The following ZNF90 variants were observed in gnomAD, a reference collection of about 807,000 sequenced individuals.
ZNF90 encodes zinc finger protein HTF9.
Under a neutral mutation model 12.0 loss-of-function variants are expected in ZNF90, and 11 were observed. The observed-to-expected ratio is 0.92, with a 90% CI of 0.58 to 1.52. ZNF90 has a LOEUF of 1.52. ZNF90 is among the 40% of genes most tolerant of loss of function. The pLI is 0.00. For synonymous variants in ZNF90, 232 were observed against 240.1 expected, an observed-to-expected ratio of 0.97 and a Z score of 0.31; for missense variants, 765 against 711.5, an observed-to-expected ratio of 1.08 and a Z score of -0.86.
chr19:20,105,088 T>A (rs1555704247), intron 2 of ZNF90, 133 bp from the exon 3 acceptor site: 1 of 477,916 alleles, frequency 2.1e-6, no homozygotes, highest in African/African-American at 2.1e-5. Context: ...TTCTAAATCT[T>A]TTGAAATTTT....
chr19:20,117,581 A>G, intron 3 of ZNF90, 200 bp from the exon 4 acceptor site: 1 of 984,902 alleles, frequency 1.0e-6, no homozygotes, highest in Non-Finnish European at 1.2e-6. Context: ...GGATTTGCCC[A>G]CCACCATGCC....
intron 1 of ZNF90, among the ~76,000 whole-genome samples, chr19:20,082,692 G>A (rs548305951): frequency 2.6e-5 from 4 of 152,298 alleles, no homozygotes; most frequent in African/African-American, 9.6e-5. Flanking sequence ...TTTTCCCCAT[G>A]TGATAGTCTG....
rs200762677 is a variant in ZNF90, at chr19:20,110,288, A to AT, written c.226+4980dup. 9.0e-3 allele frequency among the ~76,000 whole-genome samples: 1,357 copies of AT among 151,586 alleles called. 67 individuals carry two copies. Among genetic ancestry groups the AT allele is most frequent in the Admixed American group, 0.078 (1,186 of 15,198 alleles). On this transcript the variant is annotated intron_variant, in intron 3 of 3. Transcript: ENST00000418063. ...GTCCTGTGTTGTTTTGCTTTGTTTT[A>AT]TTTTTTTTGAGATGGAGTCTTGCTC... is the stretch of plus-strand genomic sequence containing the variant.
intron 3 of ZNF90, among the ~76,000 whole-genome samples, chr19:20,113,315 C>A (rs2073284402): frequency 2.0e-5 from 3 of 152,108 alleles, no homozygotes; most frequent in Admixed American, 2.0e-4. Context: ...CTCAGCCTTC[C>A]AAGTAGCTGG....
intron 1 of ZNF90, among the ~76,000 whole-genome samples, chr19:20,103,191 A>G (rs942513836): frequency 4.6e-5 from 7 of 152,222 alleles, no homozygotes; most frequent in African/African-American, 2.4e-5. Context: ...TTGGTAATCC[A>G]ACAGAGAAAC....
Position 20,110,381 on chromosome 19 carries a change from C to T in ZNF90, c.226+5065C>T, listed in dbSNP as rs575128852. On this transcript the variant is annotated intron_variant, in intron 3 of 3. Coordinates refer to ENST00000418063, the MANE Select transcript of ZNF90 (RefSeq NM_007138.2). The stretch of plus-strand genomic sequence containing the variant: ...GCAACCCCTGCCTCCTGGGTTCAAG[C>T]AATTCTCCTGCTTCAGCCTCCCTAG... 2.9e-4 allele frequency among the ~76,000 whole-genome samples: 44 copies of T among 152,134 alleles called. 1 individual carries two copies. The highest frequency in any genetic ancestry group is 8.9e-4 in the African/African-American group (37 of 41,484).
At chr19:20,092,952 CT>C (rs1187997548) in intron 1 of ZNF90, among the ~76,000 whole-genome samples, 3 of 152,154 alleles carry the variant, frequency 2.0e-5, no homozygotes, top group African/African-American at 7.2e-5. Flanking sequence ...TGAGAAAGAG[CT>C]TGGCTGAAGT....
At chr19:20,100,050 C>G (rs1354750061) in intron 1 of ZNF90, among the ~76,000 whole-genome samples, 3 of 152,048 alleles carry the variant, frequency 2.0e-5, no homozygotes, top group South Asian at 4.2e-4. Flanking sequence ...CAAGGTGGGA[C>G]CCTCTATTAG....
In ZNF90 at chr19:20,120,249, A is replaced by AATGAAAT. The variant is rs2089184039; in HGVS notation, c.*889_*890insATGAAAT. ...GCCTACTCACATCTTACCCAACAGA[A>AATGAAAT]GGTGGTTCACAGTTAATGAAAGCAT... On this transcript the variant is annotated 3_prime_UTR_variant, in exon 4 of 4. Transcript: ENST00000418063. 6.6e-6 allele frequency among the ~76,000 whole-genome samples: 1 copy of AATGAAAT among 152,254 alleles called. No individual in the cohort carries two copies. The highest frequency in any genetic ancestry group is 2.4e-5 in the African/African-American group (1 of 41,460).
intron 1 of ZNF90, among the ~76,000 whole-genome samples, chr19:20,081,921 C>A (rs2088823158): frequency 6.6e-6 from 1 of 151,906 alleles, no homozygotes; most frequent in African/African-American, 2.4e-5. Flanking sequence ...CGTGCCACTA[C>A]CCCCGGCTAA....
chr19:20,093,155 G>A (rs981666877), intron 1 of ZNF90, among the ~76,000 whole-genome samples: 4 of 152,250 alleles, frequency 2.6e-5, no homozygotes, highest in African/African-American at 9.6e-5. Context: ...GGACAAAAGA[G>A]TGTACGGGTT....
At chr19:20,115,933 G>C (rs1278221159) in intron 3 of ZNF90, among the ~76,000 whole-genome samples, 4 of 152,096 alleles carry the variant, frequency 2.6e-5, no homozygotes, top group Non-Finnish European at 5.9e-5. Flanking sequence ...GGAAGCAGTG[G>C]TGCAATCTCG....
intron 1 of ZNF90, among the ~76,000 whole-genome samples, chr19:20,079,634 CAG>C (rs2088805364): frequency 6.6e-6 from 1 of 152,064 alleles, no homozygotes; most frequent in African/African-American, 2.4e-5. Flanking sequence ...GATTTTATAT[CAG>C]AGAATGTCTT....
chr19:20,094,957 G>A (rs571798351), intron 1 of ZNF90, among the ~76,000 whole-genome samples: 118 of 152,246 alleles, frequency 7.8e-4, no homozygotes, highest in Non-Finnish European at 1.4e-3. Context: ...ACTGTAAGCC[G>A]GACCGGGTGT....
At position 20,105,294 on chromosome 19, in the gene ZNF90, T is replaced by C. The variant is rs1555704289; in HGVS notation, c.204T>C (p.His68=). ...QGKKPFTVKR[H]EMIAKSPVMC... ...AAAAACCCTTCACTGTGAAGAGACA[T>C]GAGATGATTGCCAAATCCCCAGGTA... The change falls in exon 3 of 4, where the codon CAT becomes CAC. Residue 68 remains histidine (H), a synonymous_variant. Coordinates refer to ENST00000418063, the MANE Select transcript of ZNF90 (RefSeq NM_007138.2). The C allele has an allele frequency of 1.2e-6, 2 of 1,607,142 alleles. No individual in the cohort carries two copies. Among genetic ancestry groups the C allele is most frequent in the East Asian group, 2.2e-5 (1 of 44,546 alleles).
intron 1 of ZNF90, 138 bp from the exon 2 acceptor site, chr19:20,104,101 T>C: frequency 2.3e-6 from 3 of 1,282,450 alleles, no homozygotes; most frequent in Non-Finnish European, 3.2e-6. Context: ...TGTTGGAAAT[T>C]GTTTTATTGG....
chr19:20,111,531 C>T (rs6511080), intron 3 of ZNF90, among the ~76,000 whole-genome samples: 52,983 of 152,006 alleles, frequency 0.35, 13,463 homozygotes, highest in African/African-American at 0.71. Context: ...TTAATTCATA[C>T]TTAAAATGAT....
intron 3 of ZNF90, among the ~76,000 whole-genome samples, chr19:20,115,107 C>T (rs2089125476): frequency 6.6e-6 from 1 of 152,056 alleles, no homozygotes; most frequent in South Asian, 2.1e-4. Flanking sequence ...TAAGATGTAG[C>T]TTGTGTAATA....
At position 20,118,010 on chromosome 19, in the gene ZNF90, A is replaced by C; in HGVS notation, c.456A>C (p.Lys152Asn). 1 of 1,612,508 alleles carries C rather than the reference A, an allele frequency of 6.2e-7. No homozygotes were observed. The highest frequency in any genetic ancestry group is 2.2e-5 in the East Asian group (1 of 44,850). ...TATTTCAATGTGATACATATGTGAA[A>C]GTCTCTCATATATTTTCAAATTCAA... Reference protein sequence around the residue: ...SKVFQCDTYVKVSHIFSNSNR... With the variant: ...SKVFQCDTYVNVSHIFSNSNR... The change falls in exon 4 of 4, where the codon AAA becomes AAC. Residue 152 changes from lysine to asparagine, a missense_variant. By Grantham distance (94) the Lys-to-Asn change is moderately conservative. Transcript: ENST00000418063.
Sources: allele counts gnomAD v4.1 joint callset (sites outside exome capture counted in the v4.1 genomes callset), GRCh38; gene constraint gnomAD v4.1.1; transcripts MANE v1.5; gene names NCBI Gene and HGNC (gene_info 2026-07-23, HGNC 2026-07-21).